The following STRA6 variants were observed in gnomAD, a reference collection of about 807,000 sequenced individuals.
STRA6 encodes the protein receptor for retinol uptake STRA6.
In STRA6, 48 loss-of-function variants were observed where a neutral mutation model predicts 83.6. The observed-to-expected ratio is 0.57, with a 90% confidence interval of 0.46 to 0.73. The LOEUF (loss-of-function observed/expected upper bound fraction) is 0.73. Among genes scored for constraint, STRA6 ranks in the 30% least tolerant of loss-of-function variants. STRA6 has a pLI of 0.00. For synonymous variants in STRA6, 353 were observed against 362.3 expected (o/e 0.97, Z 0.29); for missense variants, 760 against 838.8 (o/e 0.91, Z 1.16).
At chr15:74,196,503 C>T (rs1403921262) in intron 4 of STRA6, among the ~76,000 whole-genome samples, 1 of 152,200 alleles carries the variant, frequency 6.6e-6, no homozygotes, top group Non-Finnish European at 1.5e-5. Context: ...GTACAACAGC[C>T]GCCGCCCTGG....
intron 1 of STRA6, chr15:74,208,082 A>G (rs1443590603): frequency 4.1e-6 from 5 of 1,219,672 alleles, no homozygotes; most frequent in African/African-American, 1.5e-5. Flanking sequence ...CTGTTCTGGT[A>G]TGAGGGTGGA....
At chr15:74,202,052 C>A in intron 2 of STRA6, 103 bp downstream of exon 2, 2 of 1,302,132 alleles carry the variant, frequency 1.5e-6, no homozygotes, top group East Asian at 2.8e-5. Context: ...CAGAGCCAGA[C>A]CTAGCAGCCC....
At chr15:74,182,548 G>T in intron 14 of STRA6, 88 bp from the exon 15 acceptor site, 1 of 1,094,796 alleles carries the variant, frequency 9.1e-7, no homozygotes, top group Non-Finnish European at 1.4e-6. Flanking sequence ...AGGGCTTTGG[G>T]ATTGGGCAGG....
upstream of STRA6, among the ~76,000 whole-genome samples, chr15:74,206,262 G>T (rs1017129672): frequency 6.6e-6 from 1 of 152,204 alleles, no homozygotes; most frequent in Non-Finnish European, 1.5e-5. Flanking sequence ...GGCAGGGTGG[G>T]CAGGCTGGGT....
chr15:74,185,057 T>C lies in STRA6; in HGVS notation c.1091-2A>G. 1 of 1,613,820 alleles carries C rather than the reference T, an allele frequency of 6.2e-7. No homozygotes were observed. The highest frequency in any genetic ancestry group is 8.5e-7 in the Non-Finnish European group (1 of 1,179,894). ...AGACCAAGGCTGAGATGTAGCACAC[T>C]GGTGGGCAGAGAATGAGCAAAGTGA... is the stretch of plus-strand genomic sequence containing the variant. On this transcript the variant is annotated splice_acceptor_variant, in intron 12 of 18. Transcript: ENST00000395105. LOFTEE classifies it high-confidence loss of function.
chr15:74,189,045 G>T, intron 12 of STRA6, 70 bp downstream of exon 12: 1 of 1,581,078 alleles, frequency 6.3e-7, no homozygotes, highest in Non-Finnish European at 8.6e-7. Flanking sequence ...TGGCTGACTA[G>T]GGCATAGACC....
At chr15:74,198,593 G>C (rs2073927242) in intron 2 of STRA6, among the ~76,000 whole-genome samples, 1 of 152,194 alleles carries the variant, frequency 6.6e-6, no homozygotes, top group African/African-American at 2.4e-5. Flanking sequence ...GCCATCTGAG[G>C]TTGGTCTGTG....
Position 74,191,498 on chromosome 15 carries a change from A to G in STRA6, c.721-7T>C, listed in dbSNP as rs777073915. On this transcript the variant is annotated splice_region_variant and splice_polypyrimidine_tract_variant and intron_variant, in intron 8 of 18. Coordinates refer to ENST00000395105, the MANE Select transcript of STRA6 (RefSeq NM_022369.4). ...AGTAGCTGCTCTGCAGCCCCTGTGG[A>G]GACAGACAATTGAACAAGCAGATGA... 1 of 1,613,780 alleles carries G rather than the reference A, an allele frequency of 6.2e-7. No homozygotes were observed. Among genetic ancestry groups the G allele is most frequent in the Admixed American group, 1.7e-5 (1 of 60,024 alleles).
At chr15:74,209,578 C>G, upstream of STRA6, 1 of 729,102 alleles carries the variant, frequency 1.4e-6, no homozygotes, top group Non-Finnish European at 2.2e-6. Flanking sequence ...CCCCTCGGAG[C>G]TTTCTCTTCT....
rs933862674 is a variant in STRA6 at position 74,188,673 on chromosome 15, G to A, written c.1090+442C>T. On this transcript the variant is annotated intron_variant, in intron 12 of 18. Transcript: ENST00000395105. The surrounding 1 kb of genome is among the most constrained non-coding windows in gnomAD (Gnocchi z 4.5). ...CAGAGGAGGGAAGGAGAAAGGAGAC[G>A]GCCCCAAAAGACAGGGAGTGGGGAA... is the stretch of plus-strand genomic sequence containing the variant. 3.3e-5 allele frequency among the ~76,000 whole-genome samples: 5 copies of A among 152,192 alleles called. No homozygotes were observed. The highest frequency in any genetic ancestry group is 5.9e-5 in the Non-Finnish European group (4 of 68,020).
chr15:74,197,797 G>A lies in STRA6; in HGVS notation c.135C>T (p.Thr45=), dbSNP rs1159224285. 6.2e-7 allele frequency: 1 copy of A among 1,613,368 alleles called. No individual in the cohort carries two copies. Among genetic ancestry groups the A allele is most frequent in the East Asian group, 2.2e-5 (1 of 44,876 alleles). ...QPEGEVPSCH[T]SIPPGLYHAC... is the part of the protein sequence containing the mutation. ...CGTGGTACAGGCCGGGTGGTATGCT[G>A]GTGTGGCAGGAGGGCACTTCCCTGC... Residue 45 remains threonine, a synonymous_variant, in exon 3 of 19, where the codon ACC becomes ACT. Coordinates refer to ENST00000395105, the MANE Select transcript of STRA6 (RefSeq NM_022369.4).
intron 7 of STRA6, chr15:74,195,009 T>C: frequency 7.0e-7 from 1 of 1,433,996 alleles, no homozygotes; most frequent in East Asian, 2.5e-5. Flanking sequence ...ACACAGGCAT[T>C]GGGGGTGGGG....
intron 4 of STRA6, chr15:74,196,362 A>C (rs2073823469): frequency 1.4e-6 from 1 of 711,692 alleles, no homozygotes; most frequent in Non-Finnish European, 2.3e-6. Context: ...TGGGACACAC[A>C]TACAGTGGGA....
chr15:74,196,128 C>T lies in STRA6; in HGVS notation c.286G>A (p.Gly96Arg), dbSNP rs1427702797. Residue 96 changes from glycine to arginine, a missense_variant, in exon 5 of 19, where the codon GGG becomes AGG. Gly to Arg is a moderately radical substitution (Grantham distance 125). Transcript: ENST00000395105. ...GCAGGCACTGCCCGGGGCCTGTCCC[C>T]AGCCAAGAAATCCACAGGGCTAGCA... ...GLPSPVDFLA[G>R]DRPRAVPAAV... is the part of the protein sequence containing the mutation. 4 of 1,613,744 alleles carry T rather than the reference C, an allele frequency of 2.5e-6. No homozygotes were observed. The highest frequency in any genetic ancestry group is 3.4e-6 in the Non-Finnish European group (4 of 1,180,002).
intron 1 of STRA6, 113 bp downstream of exon 1, chr15:74,202,600 G>A (rs2074131118): frequency 1.4e-6 from 2 of 1,456,646 alleles, no homozygotes; most frequent in Admixed American, 2.7e-5. Context: ...ACCACCAGCA[G>A]GCGTGTGTTC....
chr15:74,189,206 G>A lies in STRA6; in HGVS notation c.999C>T (p.Val333=). The part of the protein sequence containing the change: ...QKVRAGVTTD[V]SYLLAGFGIV... ...TTCCAAAGCCGGCCAGCAGGTAGGA[G>A]ACATCCGTGGTGACCCCTGCCCTCA... Residue 333 remains valine, a synonymous_variant, in exon 12 of 19, where the codon GTC becomes GTT. Coordinates refer to ENST00000395105, the MANE Select transcript of STRA6 (RefSeq NM_022369.4). 6.2e-7 allele frequency: 1 copy of A among 1,613,218 alleles called. No homozygotes were observed. Among genetic ancestry groups the A allele is most frequent in the Non-Finnish European group, 8.5e-7 (1 of 1,179,690 alleles).
intron 7 of STRA6, chr15:74,194,914 C>T: frequency 7.0e-7 from 1 of 1,423,838 alleles, no homozygotes; most frequent in Non-Finnish European, 9.1e-7. Flanking sequence ...CTTAGACCAT[C>T]CCTGACTTCG....
chr15:74,203,096 C>A (rs759731164), upstream of STRA6: 187 of 985,436 alleles, frequency 1.9e-4, no homozygotes, highest in Non-Finnish European at 2.2e-4. Context: ...CAGCAACAAC[C>A]GAGTGAGACG....
At chr15:74,197,987 G>A in intron 2 of STRA6, 169 bp from the exon 3 acceptor site, 1 of 707,354 alleles carries the variant, frequency 1.4e-6, no homozygotes, top group Non-Finnish European at 2.5e-6. Flanking sequence ...GGTCATTCTG[G>A]GGCCCTCGTG....
Sources: allele counts gnomAD v4.1 joint callset (sites outside exome capture counted in the v4.1 genomes callset), GRCh38; gene constraint gnomAD v4.1.1; non-coding constraint Gnocchi (gnomAD v3.1); transcripts MANE v1.5; gene names NCBI Gene and HGNC (gene_info 2026-07-23, HGNC 2026-07-21).